Variants in CNTRL observed in about 807,000 individuals in gnomAD.
The protein encoded by CNTRL is centriolin.
In CNTRL, 233 loss-of-function variants were observed where a neutral mutation model predicts 303.7. The observed-to-expected ratio is 0.77, with a 90% CI of 0.69 to 0.86. The LOEUF is 0.86. CNTRL is among the 40% of genes least tolerant of loss of function. The pLI is 0.00. For synonymous variants in CNTRL, 900 were observed against 922.2 expected, an observed-to-expected ratio of 0.98 and a Z score of 0.44; for missense variants, 2,524 against 2,650.6, an observed-to-expected ratio of 0.95 and a Z score of 1.05.
chr9:121,082,969 C>A (rs368159369), intron 2 of CNTRL, among the ~76,000 whole-genome samples: 451 of 109,548 alleles, frequency 4.1e-3, no homozygotes, highest in African/African-American at 6.5e-3. Flanking sequence ...GACTCCCTCT[C>A]AAAAAAAAAA....
chr9:121,173,559 C>T (rs1445876088), intron 41 of CNTRL, 50 bp downstream of exon 41: 1 of 1,609,592 alleles, frequency 6.2e-7, no homozygotes, highest in East Asian at 2.2e-5. Flanking sequence ...GACCACCTCC[C>T]CCAGCTAAGC....
chr9:121,167,403 C>T, intron 36 of CNTRL, 86 bp from the exon 37 acceptor site: 1 of 1,038,910 alleles, frequency 9.6e-7, no homozygotes, highest in Non-Finnish European at 1.4e-6. Flanking sequence ...CTCGTTCTGT[C>T]AGACTTAGTA....
At chr9:121,146,600 G>A (rs992375248) in intron 23 of CNTRL, among the ~76,000 whole-genome samples, 23 of 152,190 alleles carry the variant, frequency 1.5e-4, no homozygotes, top group African/African-American at 4.8e-4. Context: ...TCCTTTTAAC[G>A]AACATTCATT....
intron 1 of CNTRL, among the ~76,000 whole-genome samples, chr9:121,077,227 T>C (rs1327401727): frequency 1.3e-5 from 2 of 152,072 alleles, no homozygotes; most frequent in East Asian, 3.8e-4. Context: ...CTCTGAACTT[T>C]ATTTGCTTTT....
Position 121,173,797 on chromosome 9 carries a change from G to A in CNTRL, c.6747+60G>A, listed in dbSNP as rs1588348497. On this transcript the variant is annotated intron_variant, in intron 42 of 43. Transcript: ENST00000373855. ...GATACTGGGCACATTGGGGAGGGGA[G>A]GGGAAAGTTACATTTACCTGATGCT... is the stretch of plus-strand genomic sequence containing the variant. 4.1e-6 allele frequency: 6 copies of A among 1,480,908 alleles called. No individual in the cohort carries two copies. In the East Asian group the frequency reaches 1.4e-4, roughly 33 times the overall value. The allele number at this position is 1,480,908 out of a possible 1,614,324, so 91.7% of individuals were successfully genotyped here.
chr9:121,175,033 T>A lies in CNTRL; in HGVS notation c.6763T>A (p.Cys2255Ser), dbSNP rs1245609441. ...CACTTTTCAGGCCCAACTCCGACACTGTATGTCCAAGCAAGCAGAAGTATT... is the reference window on the plus strand; with the variant it reads ...CACTTTTCAGGCCCAACTCCGACACAGTATGTCCAAGCAAGCAGAAGTATT... The part of the protein sequence containing the change: ...EDRLKAQLRH[C>S]MSKQAEVLIK... Residue 2255 changes from cysteine to serine, a missense_variant, in exon 43 of 44, where the codon TGT becomes AGT. Coordinates refer to ENST00000373855, the MANE Select transcript of CNTRL (RefSeq NM_007018.6). The A allele has an allele frequency of 6.2e-7, 1 of 1,613,564 alleles. No individual in the cohort carries two copies. The highest frequency in any genetic ancestry group is 8.5e-7 in the Non-Finnish European group (1 of 1,179,904).
intron 22 of CNTRL, among the ~76,000 whole-genome samples, chr9:121,145,857 G>A (rs1321138251): frequency 1.3e-5 from 2 of 152,154 alleles, no homozygotes; most frequent in African/African-American, 2.4e-5. Context: ...AGATTGGGCC[G>A]CTGCACTCCA....
intron 2 of CNTRL, among the ~76,000 whole-genome samples, chr9:121,087,569 G>C (rs1564189463): frequency 6.6e-6 from 1 of 152,036 alleles, no homozygotes; most frequent in Non-Finnish European, 1.5e-5. Context: ...CAGGCGCCAG[G>C]AATCCCAGCT....
In CNTRL at chr9:121,075,035, G is replaced by A; in HGVS notation, c.-237G>A. 1 of 449,308 alleles carries A rather than the reference G, an allele frequency of 2.2e-6. No homozygotes were observed. Among genetic ancestry groups the A allele is most frequent in the Non-Finnish European group, 4.5e-6 (1 of 222,344 alleles). 27.8% of individuals were successfully genotyped at this position (449,308 alleles called of 1,614,324 possible). A position where few individuals can be genotyped will look rare whatever the true frequency, so the allele number is the denominator to read the frequency against. On this transcript the variant is annotated 5_prime_UTR_variant, in exon 1 of 44. Transcript: ENST00000373855. ...CCCGAACTTCTCCCGCTCTACCTCA[G>A]CCTGCGGGACTGCTCGGCTCGGCTT...
intron 24 of CNTRL, among the ~76,000 whole-genome samples, chr9:121,149,598 G>A (rs1462811136): frequency 6.6e-6 from 1 of 151,884 alleles, no homozygotes; most frequent in Non-Finnish European, 1.5e-5. Context: ...TAGAGATGAG[G>A]GTTTCACCAT....
At position 121,140,754 on chromosome 9, in the gene CNTRL, A is replaced by G. The variant is rs1215900044; in HGVS notation, c.2451A>G (p.Arg817=). The change falls in exon 17 of 44, where the codon AGA becomes AGG. Residue 817 remains arginine (R), a synonymous_variant. Coordinates refer to ENST00000373855, the MANE Select transcript of CNTRL (RefSeq NM_007018.6). ...TGGCAGCTCGTGTGGATGAGCTAAG[A>G]AGAAAACTGAAATTAGGAACTGGGG... ...EEVAARVDEL[R]RKLKLGTGEM... The G allele has an allele frequency of 1.9e-6, 3 of 1,612,894 alleles. No individual in the cohort carries two copies. The highest frequency in any genetic ancestry group is 2.7e-5 in the African/African-American group (2 of 74,900).
chr9:121,152,447 A>C, intron 25 of CNTRL, 38 bp from the exon 26 acceptor site: 4 of 1,516,804 alleles, frequency 2.6e-6, no homozygotes, highest in Non-Finnish European at 3.7e-6. Flanking sequence ...ACATCCTGTG[A>C]TGTTTCAGCA....
chr9:121,153,816 C>T (rs550396655), intron 26 of CNTRL, among the ~76,000 whole-genome samples: 5 of 152,324 alleles, frequency 3.3e-5, no homozygotes, highest in Admixed American at 1.3e-4. Flanking sequence ...GTAAGTAAGA[C>T]GTGGTCACTG....
rs746654354 is a variant in CNTRL, at chr9:121,090,366, G to A, written c.309G>A (p.Leu103=). The change falls in exon 4 of 44, where the codon CTG becomes CTA. Residue 103 remains leucine (L), a synonymous_variant. Coordinates refer to ENST00000373855, the MANE Select transcript of CNTRL (RefSeq NM_007018.6). Reference sequence around the variant, plus strand: ...ATAATTTGGCTTTGATAAAATCTCTGAACCTTTCACTTTCTAAAGACGGTG... The same window carrying A: ...ATAATTTGGCTTTGATAAAATCTCTAAACCTTTCACTTTCTAAAGACGGTG... The part of the protein sequence containing the change: ...KQDNLALIKS[L]NLSLSKDGGK... 26 of 1,612,322 alleles carry A rather than the reference G, an allele frequency of 1.6e-5. No homozygotes were observed. The highest frequency in any genetic ancestry group is 2.1e-5 in the Non-Finnish European group (25 of 1,179,318).
At chr9:121,121,964 T>TTC in intron 12 of CNTRL, 1 of 980,820 alleles carries the variant, frequency 1.0e-6, no homozygotes, top group Non-Finnish European at 1.2e-6. Context: ...ATGATATTTT[T>TTC]TCTCTCTCTG....
chr9:121,123,620 A>T (rs1031245111), intron 12 of CNTRL, among the ~76,000 whole-genome samples: 6 of 151,908 alleles, frequency 3.9e-5, no homozygotes, highest in Non-Finnish European at 5.9e-5. Flanking sequence ...ATAAATAAAT[A>T]AAAAAGAGAG....
Position 121,149,013 on chromosome 9 carries a change from T to C in CNTRL, c.3649+152T>C. The C allele has an allele frequency of 1.1e-5, 7 of 659,860 alleles. No individual in the cohort carries two copies. In the South Asian group the frequency reaches 1.4e-4, roughly 13 times the overall value. The allele number at this position is 659,860 out of a possible 1,614,324, so 40.9% of individuals were successfully genotyped here. On this transcript the variant is annotated intron_variant, in intron 24 of 43. Coordinates refer to ENST00000373855, the MANE Select transcript of CNTRL (RefSeq NM_007018.6). ...GTCTTGGCCAGCGACCTCTTGTCGTTGTTTTAAACCCTGTCTGGAATGTCC... is the reference window on the plus strand; with the variant it reads ...GTCTTGGCCAGCGACCTCTTGTCGTCGTTTTAAACCCTGTCTGGAATGTCC...
intron 12 of CNTRL, among the ~76,000 whole-genome samples, chr9:121,120,253 A>G (rs551896196): frequency 4.9e-4 from 75 of 152,264 alleles, no homozygotes; most frequent in African/African-American, 1.7e-3. Flanking sequence ...AGTACATATC[A>G]TATATATTTT....
intron 43 of CNTRL, among the ~76,000 whole-genome samples, chr9:121,175,670 C>T (rs1292693672): frequency 1.3e-5 from 2 of 152,168 alleles, no homozygotes; most frequent in Non-Finnish European, 2.9e-5. Flanking sequence ...ATAGATTATG[C>T]CGCCTTCAAC....
Sources: allele counts gnomAD v4.1 joint callset (sites outside exome capture counted in the v4.1 genomes callset), GRCh38; gene constraint gnomAD v4.1.1; transcripts MANE v1.5; gene names NCBI Gene and HGNC (gene_info 2026-07-23, HGNC 2026-07-21).